The following CSMD1 variants were observed in gnomAD, a reference collection of about 807,000 sequenced individuals.
CSMD1 encodes the protein CUB and sushi domain-containing protein 1.
Under a neutral mutation model 417.5 loss-of-function variants are expected in CSMD1, and 213 were observed. The observed-to-expected ratio is 0.51, with a 90% CI of 0.46 to 0.57. The LOEUF (loss-of-function observed/expected upper bound fraction) is 0.57. Among genes scored for constraint, CSMD1 ranks in the 20% least tolerant of loss-of-function variants. The pLI, the probability that CSMD1 is intolerant of heterozygous loss-of-function variation, is 0.00. For missense variants in CSMD1, 6,923 were observed against 4,529.7 expected, an observed-to-expected ratio of 1.53 and a Z score of -15.17; for synonymous variants, 2,862 against 1,736.8, an observed-to-expected ratio of 1.65 and a Z score of -16.11.
At chr8:4,213,728 G>A (rs1394531213) in intron 3 of CSMD1, among the ~76,000 whole-genome samples, 11 of 152,220 alleles carry the variant, frequency 7.2e-5, no homozygotes, top group South Asian at 2.1e-4. Context: ...TTTCCTGAAA[G>A]GGTGGGAATG....
chr8:3,995,409 C>G (rs762683685), intron 5 of CSMD1, among the ~76,000 whole-genome samples: 66 of 152,200 alleles, frequency 4.3e-4, no homozygotes, highest in Non-Finnish European at 7.3e-5. Flanking sequence ...ACGACATATG[C>G]TAAATTGCTT....
intron 1 of CSMD1, among the ~76,000 whole-genome samples, chr8:4,734,773 G>C (rs1048919270): frequency 6.6e-6 from 1 of 152,120 alleles, no homozygotes; most frequent in Non-Finnish European, 1.5e-5. Context: ...TTCTGCTCAT[G>C]CCATCTTTAC....
At chr8:4,417,740 A>T (rs964297746) in intron 3 of CSMD1, among the ~76,000 whole-genome samples, 4 of 152,006 alleles carry the variant, frequency 2.6e-5, no homozygotes, top group African/African-American at 9.7e-5. Flanking sequence ...TGTGACTCTA[A>T]ATCAACTTGA....
chr8:3,845,793 T>G (rs1272485272), intron 5 of CSMD1, among the ~76,000 whole-genome samples: 1 of 152,198 alleles, frequency 6.6e-6, no homozygotes, highest in Non-Finnish European at 1.5e-5. Flanking sequence ...AATATCTTAT[T>G]TCTTTATATT....
intron 5 of CSMD1, among the ~76,000 whole-genome samples, chr8:3,774,419 G>A (rs1798791352): frequency 6.6e-6 from 1 of 152,274 alleles, no homozygotes; most frequent in Admixed American, 6.5e-5. Flanking sequence ...CCGTCAGCCT[G>A]CTTTCCACCA....
chr8:4,388,208 A>G (rs187042332), intron 3 of CSMD1, among the ~76,000 whole-genome samples: 2 of 152,140 alleles, frequency 1.3e-5, no homozygotes, highest in Admixed American at 1.3e-4. Flanking sequence ...TACGAAAAAG[A>G]TATTTGCACA....
At chr8:4,778,713 C>T (rs1267681924) in intron 1 of CSMD1, among the ~76,000 whole-genome samples, 1 of 152,160 alleles carries the variant, frequency 6.6e-6, no homozygotes, top group African/African-American at 2.4e-5. Context: ...TTCCATGGGA[C>T]TATGCCCATT....
chr8:3,298,790 C>G (rs1019168166), intron 25 of CSMD1, among the ~76,000 whole-genome samples: 1 of 152,250 alleles, frequency 6.6e-6, no homozygotes, highest in East Asian at 1.9e-4. Flanking sequence ...TGGCAAAACT[C>G]TTCTGAAGTC....
chr8:3,062,051 A>G (rs952958376), intron 49 of CSMD1, among the ~76,000 whole-genome samples: 2 of 152,208 alleles, frequency 1.3e-5, no homozygotes, highest in Non-Finnish European at 2.9e-5. Context: ...TCCACCTATC[A>G]ACATTCAATC....
intron 10 of CSMD1, among the ~76,000 whole-genome samples, chr8:3,523,375 T>C (rs1542591): frequency 0.15 from 22,912 of 152,270 alleles, 1,877 homozygotes; most frequent in Admixed American, 0.24. Context: ...GAGATGGAAC[T>C]TTGAGGGACA....
chr8:4,368,999 G>C (rs552032206), intron 3 of CSMD1, among the ~76,000 whole-genome samples: 2 of 152,102 alleles, frequency 1.3e-5, no homozygotes, highest in African/African-American at 2.4e-5. Flanking sequence ...TTTGGGGATG[G>C]TTTGCTCTGG....
At position 3,302,302 on chromosome 8, in the gene CSMD1, G is replaced by A. The variant is rs1274850723; in HGVS notation, c.3950+5393C>T. On this transcript the variant is annotated intron_variant, in intron 25 of 69. Transcript: ENST00000635120. ...GAAGTTTCTTTAATGTTTTTTTCTG[G>A]AGTCACTTCTTCTGGAATATCTCCA... 2.0e-5 allele frequency among the ~76,000 whole-genome samples: 3 copies of A among 151,956 alleles called. No individual in the cohort carries two copies. The East Asian group carries it at 5.8e-4, about 29-fold the overall frequency.
chr8:3,654,908 C>A (rs529909888), intron 7 of CSMD1, among the ~76,000 whole-genome samples: 1 of 152,310 alleles, frequency 6.6e-6, no homozygotes, highest in East Asian at 1.9e-4. Context: ...GGGCTCCACA[C>A]AGTTGAGCCA....
At position 4,412,312 on chromosome 8, in the gene CSMD1, A is replaced by G. The variant is rs1443145239; in HGVS notation, c.415+7641T>C. ...CATCCTCTCGGTTGCTCTCCTGGAC[A>G]CAGCGCAAAAGATTCACCAAAATTG... On this transcript the variant is annotated intron_variant, in intron 3 of 69. Transcript: ENST00000635120. Among the ~76,000 whole-genome samples, 22 of 152,184 alleles carry G rather than the reference A, an allele frequency of 1.4e-4. No individual in the cohort carries two copies. In the East Asian group the frequency reaches 3.9e-3, roughly 27 times the overall value.
chr8:3,603,412 G>A (rs953588900), intron 8 of CSMD1, among the ~76,000 whole-genome samples: 2 of 152,252 alleles, frequency 1.3e-5, no homozygotes, highest in Middle Eastern at 3.4e-3. Flanking sequence ...GGAAAGGCTT[G>A]CGAGCTAAAG....
intron 5 of CSMD1, among the ~76,000 whole-genome samples, chr8:3,945,787 A>G (rs1230343063): frequency 6.6e-6 from 1 of 152,136 alleles, no homozygotes; most frequent in Non-Finnish European, 1.5e-5. Flanking sequence ...GTAGATGAGA[A>G]GCAATTTCAG....
At chr8:4,127,754 G>C (rs1345235030) in intron 3 of CSMD1, among the ~76,000 whole-genome samples, 1 of 152,160 alleles carries the variant, frequency 6.6e-6, no homozygotes, top group East Asian at 1.9e-4. Flanking sequence ...CAGCTACCAA[G>C]TCTTGACATA....
chr8:4,729,696 A>G (rs1424806115), intron 1 of CSMD1, among the ~76,000 whole-genome samples: 1 of 152,222 alleles, frequency 6.6e-6, no homozygotes. Flanking sequence ...TGAAAGTTCC[A>G]GTGGCTTTTC....
intron 2 of CSMD1, among the ~76,000 whole-genome samples, chr8:4,622,751 C>T (rs1319728679): frequency 6.6e-6 from 1 of 152,098 alleles, no homozygotes; most frequent in Non-Finnish European, 1.5e-5. Flanking sequence ...TTCCGTGCAA[C>T]ATTGTACTGA....
Sources: allele counts gnomAD v4.1 joint callset (sites outside exome capture counted in the v4.1 genomes callset), GRCh38; gene constraint gnomAD v4.1.1; transcripts MANE v1.5; gene names NCBI Gene and HGNC (gene_info 2026-07-23, HGNC 2026-07-21).